IKZF3: variants seen among roughly 807,000 people sequenced by gnomAD.
The protein encoded by IKZF3 is zinc finger protein Aiolos.
Under a neutral mutation model 49.0 loss-of-function variants are expected in IKZF3, and 10 were observed. That is an observed-to-expected ratio of 0.20 (90% CI 0.13 to 0.35). IKZF3 has a LOEUF of 0.35. Among genes scored for constraint, IKZF3 ranks in the 10% least tolerant of loss-of-function variants. IKZF3 has a pLI of 1.00. For synonymous variants in IKZF3, 209 were observed against 228.2 expected, an observed-to-expected ratio of 0.92 and a Z score of 0.76; for missense variants, 498 against 664.8, an observed-to-expected ratio of 0.75 and a Z score of 2.76.
In IKZF3 at chr17:39,777,775, G is replaced by T; in HGVS notation, c.710-8C>A. 6.2e-7 allele frequency: 1 copy of T among 1,606,440 alleles called. No individual in the cohort carries two copies. The highest frequency in any genetic ancestry group is 8.5e-7 in the Non-Finnish European group (1 of 1,177,096). On this transcript the variant is annotated splice_polypyrimidine_tract_variant and splice_region_variant and intron_variant, in intron 6 of 7. Transcript: ENST00000346872. The stretch of plus-strand genomic sequence containing the variant: ...GTCTTGCCTCCGCACTTGCTAGTTT[G>T]GAAAAATGTAAAAAGAAGAGAGAAA...
rs929500333 is a variant in IKZF3 at position 39,763,840 on chromosome 17, T to G, written c.*1950A>C. 1.3e-5 allele frequency: 2 copies of G among 152,156 alleles called. No individual in the cohort carries two copies. Among genetic ancestry groups the G allele is most frequent in the Non-Finnish European group, 2.9e-5 (2 of 68,056 alleles). The allele number at this position is 152,156 out of a possible 1,614,324, so 9.4% of individuals were successfully genotyped here. A position where few individuals can be genotyped will look rare whatever the true frequency, so the allele number is the denominator to read the frequency against. On this transcript the variant is annotated 3_prime_UTR_variant, in exon 8 of 8. Transcript: ENST00000346872. ...GATGAGGAAACTGAGTTTTTTTTGTTTTTGTTTGTTTGTTTTTGTTTTGTT... is the reference window on the plus strand; with the variant it reads ...GATGAGGAAACTGAGTTTTTTTTGTGTTTGTTTGTTTGTTTTTGTTTTGTT...
At chr17:39,859,313 T>C (rs1367697454) in intron 1 of IKZF3, among the ~76,000 whole-genome samples, 1 of 151,536 alleles carries the variant, frequency 6.6e-6, no homozygotes, top group East Asian at 1.9e-4. Flanking sequence ...AAATAAATTA[T>C]AATTATTGTT....
chr17:39,800,695 A>G (rs1260536384), intron 3 of IKZF3, among the ~76,000 whole-genome samples: 2 of 152,210 alleles, frequency 1.3e-5, no homozygotes, highest in Non-Finnish European at 2.9e-5. Context: ...GCTGAAGAGA[A>G]CAAAGGTTTG....
rs560854650 is a variant in IKZF3 at position 39,777,760 on chromosome 17, C to G, written c.717G>C (p.Ala239=). 1 of 1,612,124 alleles carries G rather than the reference C, an allele frequency of 6.2e-7. No homozygotes were observed. The highest frequency in any genetic ancestry group is 8.5e-7 in the Non-Finnish European group (1 of 1,179,172). The change falls in exon 7 of 8, where the codon GCG becomes GCC. Residue 239 remains alanine, a synonymous_variant. Transcript: ENST00000346872. The part of the protein sequence containing the change: ...QSTDPGDTAS[A]EARHIKAEMG... ...TCTCTGCTTTGATGTGTCTTGCCTC[C>G]GCACTTGCTAGTTTGGAAAAATGTA...
At chr17:39,850,523 A>ACATGTACATATAATGTATAG (rs1568063687) in intron 1 of IKZF3, among the ~76,000 whole-genome samples, 1 of 35,560 alleles carries the variant, frequency 2.8e-5, no homozygotes, top group Non-Finnish European at 5.7e-5. Flanking sequence ...AGCATATTAT[A>ACATGTACATATAATGTATAG]CATATTATAC....
chr17:39,768,970 G>A (rs1597949987), intron 7 of IKZF3, among the ~76,000 whole-genome samples: 1 of 152,322 alleles, frequency 6.6e-6, no homozygotes, highest in Non-Finnish European at 1.5e-5. Flanking sequence ...ATTACCAAGT[G>A]TGAGATTAGT....
chr17:39,792,811 A>G lies in IKZF3; in HGVS notation c.286T>C (p.Tyr96His), dbSNP rs924995584. 3 of 1,614,042 alleles carry G rather than the reference A, an allele frequency of 1.9e-6. No homozygotes were observed. The highest frequency in any genetic ancestry group is 2.5e-6 in the Non-Finnish European group (3 of 1,180,014). The change falls in exon 4 of 8, where the codon TAT becomes CAT. Residue 96 changes from tyrosine (Y) to histidine (H), a missense_variant. Coordinates refer to ENST00000346872, the MANE Select transcript of IKZF3 (RefSeq NM_012481.5). ...TGTCTCTCCAACTTAATGTTTTCAT[A>G]TTCATTATATTCTCTTGAATAGCTG... Reference protein sequence around the residue: ...PYSYSREYNEYENIKLERHVV... With the variant: ...PYSYSREYNEHENIKLERHVV...
At chr17:39,774,904 C>T (rs1470955604) in intron 7 of IKZF3, among the ~76,000 whole-genome samples, 1 of 152,188 alleles carries the variant, frequency 6.6e-6, no homozygotes, top group African/African-American at 2.4e-5. Context: ...TCTGTATAGC[C>T]TTGAGAAAAA....
intron 1 of IKZF3, among the ~76,000 whole-genome samples, chr17:39,842,277 G>T (rs940792992): frequency 6.6e-6 from 1 of 152,158 alleles, no homozygotes; most frequent in Non-Finnish European, 1.5e-5. Flanking sequence ...AACACTTTGG[G>T]AGGCTGAGGC....
At chr17:39,786,113 T>A (rs981396496) in intron 6 of IKZF3, among the ~76,000 whole-genome samples, 3 of 152,196 alleles carry the variant, frequency 2.0e-5, no homozygotes, top group Non-Finnish European at 4.4e-5. Context: ...ATGGTGATAA[T>A]GTTCTGAAAT....
intron 3 of IKZF3, among the ~76,000 whole-genome samples, chr17:39,796,432 CTA>C (rs2061162913): frequency 6.6e-6 from 1 of 152,146 alleles, no homozygotes; most frequent in African/African-American, 2.4e-5. Context: ...TCTATCAACT[CTA>C]TGTCTTCAGG....
rs185626118 is a variant in IKZF3, at chr17:39,818,401, G to A, written c.163+10986C>T. 2.0e-3 allele frequency among the ~76,000 whole-genome samples: 305 copies of A among 152,264 alleles called. 2 individuals are homozygous for A. The highest frequency in any genetic ancestry group is 7.1e-3 in the African/African-American group (295 of 41,544). ...ATACTATAATAAAAGGTACATAATT[G>A]TTGACTCTCTCTCAAAATATTTTAT... On this transcript the variant is annotated intron_variant, in intron 3 of 7. Transcript: ENST00000346872.
intron 3 of IKZF3, among the ~76,000 whole-genome samples, chr17:39,795,196 C>T (rs1033666576): frequency 9.9e-5 from 15 of 152,246 alleles, no homozygotes; most frequent in Admixed American, 9.2e-4. Flanking sequence ...GGCTCAAGAG[C>T]AGATCTTAGC....
At chr17:39,843,276 T>C (rs569358522) in intron 1 of IKZF3, among the ~76,000 whole-genome samples, 2 of 152,168 alleles carry the variant, frequency 1.3e-5, no homozygotes, top group Non-Finnish European at 2.9e-5. Flanking sequence ...CTCTAAAGCA[T>C]AGGACAGGGA....
chr17:39,852,557 C>CTTTCTCTT (rs2062909156), intron 1 of IKZF3, among the ~76,000 whole-genome samples: 1 of 152,162 alleles, frequency 6.6e-6, no homozygotes, highest in Non-Finnish European at 1.5e-5. Context: ...ACTGACTGCT[C>CTTTCTCTT]TTTCTCTTTT....
intron 3 of IKZF3, among the ~76,000 whole-genome samples, chr17:39,805,397 G>T (rs1234387947): frequency 2.0e-5 from 3 of 152,088 alleles, no homozygotes. Flanking sequence ...TCTAACTCAA[G>T]GTATAACAAT....
rs188362066 is a variant in IKZF3 at position 39,846,033 on chromosome 17, A to G, written c.8-13882T>C. ...TTAGATAAAACCATTTTCTTATTTC[A>G]TTTAAAAGCCAGAGTTGTAATCTAG... is the stretch of plus-strand genomic sequence containing the variant. On this transcript the variant is annotated intron_variant, in intron 1 of 7. Transcript: ENST00000346872. 3.7e-4 allele frequency among the ~76,000 whole-genome samples: 56 copies of G among 152,270 alleles called. No individual in the cohort carries two copies. The East Asian group carries it at 9.0e-3, about 25-fold the overall frequency.
chr17:39,807,191 A>G (rs1395870716), intron 3 of IKZF3, among the ~76,000 whole-genome samples: 1 of 152,154 alleles, frequency 6.6e-6, no homozygotes, highest in African/African-American at 2.4e-5. Flanking sequence ...AGCAATCAAT[A>G]ACTAATATAG....
chr17:39,786,731 C>G (rs111862642), intron 6 of IKZF3, among the ~76,000 whole-genome samples: 3,648 of 152,246 alleles, frequency 0.024, 62 homozygotes, highest in Non-Finnish European at 0.037. Context: ...GCAGCTAGGA[C>G]TACAGGTGTG....
Sources: gnomAD v4.1 joint callset for allele counts (sites outside exome capture counted in the v4.1 genomes callset) on GRCh38, gnomAD v4.1.1 for gene constraint, MANE v1.5 for transcripts, NCBI Gene and HGNC (gene_info 2026-07-23, HGNC 2026-07-21) for gene names.